DLGAP2: variants seen among roughly 807,000 people sequenced by gnomAD.
DLGAP2 encodes the protein disks large-associated protein 2.
DLGAP2 carries 26 observed loss-of-function variants against 100.3 expected under a neutral mutation model. That is an observed-to-expected ratio of 0.26 (90% CI 0.19 to 0.36). The LOEUF is 0.36. Among genes scored for constraint, DLGAP2 ranks in the 10% least tolerant of loss-of-function variants. DLGAP2 has a pLI of 1.00. For missense variants in DLGAP2, 1,858 were observed against 1,453.2 expected (o/e 1.28, Z -4.53); for synonymous variants, 886 against 630.1 (o/e 1.41, Z -6.08).
intron 2 of DLGAP2, among the ~76,000 whole-genome samples, chr8:995,459 C>T (rs1800758637): frequency 6.6e-6 from 1 of 152,186 alleles, no homozygotes; most frequent in African/African-American, 2.4e-5. Context: ...AACCAAGTCT[C>T]ATTATGATTT....
At chr8:1,572,835 A>C (rs1584942715) in intron 6 of DLGAP2, among the ~76,000 whole-genome samples, 1 of 76,444 alleles carries the variant, frequency 1.3e-5, no homozygotes. Context: ...GGGGCATCTG[A>C]TGAGATGGAG....
At chr8:1,214,256 C>G (rs1002623839) in intron 2 of DLGAP2, among the ~76,000 whole-genome samples, 8 of 152,176 alleles carry the variant, frequency 5.3e-5, no homozygotes, top group Non-Finnish European at 1.2e-4. Context: ...CCCAACCAAC[C>G]CAGGTGGAAC....
chr8:1,164,456 G>T (rs758439862), intron 2 of DLGAP2, among the ~76,000 whole-genome samples: 1 of 150,616 alleles, frequency 6.6e-6, no homozygotes, highest in Non-Finnish European at 1.5e-5. Flanking sequence ...GGAGGCGATG[G>T]CCTGGCTCTC....
intron 1 of DLGAP2, among the ~76,000 whole-genome samples, chr8:894,936 C>T (rs1310855591): frequency 2.0e-4 from 24 of 118,174 alleles, no homozygotes; most frequent in African/African-American, 6.5e-4. Flanking sequence ...TGGCGGTTGG[C>T]AGGGGCGGGG....
intron 3 of DLGAP2, among the ~76,000 whole-genome samples, chr8:1,387,466 G>C (rs1009680563): frequency 1.3e-5 from 2 of 152,216 alleles, no homozygotes; most frequent in African/African-American, 2.4e-5. Flanking sequence ...TGGCAGTCTG[G>C]TGCACGGGGG....
chr8:1,007,084 G>T (rs1030044003), intron 2 of DLGAP2, among the ~76,000 whole-genome samples: 2 of 151,898 alleles, frequency 1.3e-5, no homozygotes, highest in South Asian at 2.1e-4. Context: ...CTCAGAATAC[G>T]GTCCTTTATC....
In DLGAP2 at chr8:1,632,846, A is replaced by G. The variant is rs755405597; in HGVS notation, c.1610A>G (p.Asn537Ser). 11 of 1,612,168 alleles carry G rather than the reference A, an allele frequency of 6.8e-6. No homozygotes were observed. The highest frequency in any genetic ancestry group is 1.3e-5 in the African/African-American group (1 of 74,902). ...CVSQVSEAEI[N>S]GQFESVCESV... ...TTGCAGGTGAGCGAGGCGGAGATCA[A>G]TGGGCAATTCGAGTCCGTGTGCGAG... Residue 537 changes from asparagine to serine, a missense_variant, in exon 8 of 15, where the codon AAT becomes AGT. Physicochemically the swap from Asn to Ser is conservative, Grantham distance 46 (BLOSUM62 1). Coordinates refer to ENST00000637795, the MANE Select transcript of DLGAP2 (RefSeq NM_001346810.2).
intron 2 of DLGAP2, among the ~76,000 whole-genome samples, chr8:1,186,252 G>A (rs1400956956): frequency 6.6e-6 from 1 of 152,272 alleles, no homozygotes; most frequent in Non-Finnish European, 1.5e-5. Context: ...CTATGCTGGA[G>A]TTACTAGAGG....
At chr8:1,368,960 C>T (rs570716469) in intron 3 of DLGAP2, 10 of 152,312 alleles carry the variant, frequency 6.6e-5, no homozygotes, top group African/African-American at 2.4e-4. Context: ...AACGCAGGTC[C>T]TCCGCACATA....
At chr8:1,197,706 G>T (rs186247675) in intron 2 of DLGAP2, among the ~76,000 whole-genome samples, 2 of 110,658 alleles carry the variant, frequency 1.8e-5, no homozygotes, top group African/African-American at 8.0e-5. Flanking sequence ...ACGTCAATGT[G>T]GAGCATCTGG....
intron 2 of DLGAP2, among the ~76,000 whole-genome samples, chr8:1,031,237 G>A (rs886987782): frequency 1.5e-4 from 23 of 152,198 alleles, no homozygotes; most frequent in African/African-American, 5.5e-4. Context: ...AGAGAGGAGG[G>A]CTCCCGTTTC....
At chr8:1,118,124 C>T (rs551484683) in intron 2 of DLGAP2, among the ~76,000 whole-genome samples, 2 of 152,248 alleles carry the variant, frequency 1.3e-5, no homozygotes, top group East Asian at 1.9e-4. Flanking sequence ...GAGGAGCGGG[C>T]GGAGTGGGGA....
chr8:1,316,604 G>T lies in DLGAP2; in HGVS notation c.106+57721G>T, dbSNP rs71516183. On this transcript the variant is annotated intron_variant, in intron 3 of 14. Coordinates refer to ENST00000637795, the MANE Select transcript of DLGAP2 (RefSeq NM_001346810.2). ...GTCTACACTCGAGACACTCGGCAGC[G>T]TTTAAAAATAGAGCGTGTGCGAGTG... Among the ~76,000 whole-genome samples the T allele has an allele frequency of 9.6e-3, 836 of 87,372 alleles. 4 individuals carry two copies. The highest frequency in any genetic ancestry group is 0.03 in the South Asian group (69 of 2,302). 57.3% of individuals were successfully genotyped at this position (87,372 alleles called of 152,430 possible). A position where few individuals can be genotyped will look rare whatever the true frequency, so the allele number is the denominator to read the frequency against.
intron 3 of DLGAP2, among the ~76,000 whole-genome samples, chr8:1,458,868 A>G (rs999738198): frequency 6.6e-6 from 1 of 152,174 alleles, no homozygotes; most frequent in African/African-American, 2.4e-5. Flanking sequence ...TCCCCATGAT[A>G]TGGGGCTCTG....
chr8:825,892 G>A (rs543405801), intron 1 of DLGAP2, among the ~76,000 whole-genome samples: 1 of 152,260 alleles, frequency 6.6e-6, no homozygotes, highest in Admixed American at 6.5e-5. Context: ...ACAAGAAGTT[G>A]TTGACTGTAG....
chr8:1,174,751 A>G (rs1287233921), intron 2 of DLGAP2, among the ~76,000 whole-genome samples: 1 of 152,152 alleles, frequency 6.6e-6, no homozygotes. Flanking sequence ...CATTATCATC[A>G]TTACTATCAC....
chr8:1,696,888 C>T (rs1055811153), intron 13 of DLGAP2, among the ~76,000 whole-genome samples: 2 of 152,234 alleles, frequency 1.3e-5, no homozygotes, highest in Non-Finnish European at 2.9e-5. Flanking sequence ...TAGAAACTCT[C>T]CCATCTGCCC....
At chr8:1,001,874 G>T (rs1487646391) in intron 2 of DLGAP2, among the ~76,000 whole-genome samples, 1 of 152,150 alleles carries the variant, frequency 6.6e-6, no homozygotes, top group Non-Finnish European at 1.5e-5. Flanking sequence ...TGCTGCTGAT[G>T]CTTTGAGGCT....
chr8:1,628,610 C>T (rs1351752117), intron 7 of DLGAP2, among the ~76,000 whole-genome samples: 2 of 147,274 alleles, frequency 1.4e-5, no homozygotes, highest in Admixed American at 1.3e-4. Flanking sequence ...TACTGTGGAG[C>T]AGGAATTAAG....
Sources: allele counts gnomAD v4.1 joint callset (sites outside exome capture counted in the v4.1 genomes callset), GRCh38; gene constraint gnomAD v4.1.1; transcripts MANE v1.5; gene names NCBI Gene and HGNC (gene_info 2026-07-23, HGNC 2026-07-21).